The following BTG4 variants were observed in gnomAD, a reference collection of about 807,000 sequenced individuals.
The protein encoded by BTG4 is BTG anti-proliferation factor 4, also known as protein BTG4.
BTG4 carries 10 observed loss-of-function variants against 19.3 expected under a neutral mutation model. The observed-to-expected ratio is 0.52, with a 90% CI of 0.32 to 0.88. The LOEUF is 0.88. Among genes scored for constraint, BTG4 ranks in the 40% least tolerant of loss-of-function variants. The pLI is 0.04. For missense variants in BTG4, 238 were observed against 281.9 expected (o/e 0.84, Z 1.11); for synonymous variants, 91 against 95.7 (o/e 0.95, Z 0.29).
chr11:111,436,749 C>G, the BTG4 span, among the ~76,000 whole-genome samples: 1 of 152,204 alleles, frequency 6.6e-6, no homozygotes, highest in East Asian at 1.9e-4. Flanking sequence ...CTAGCCCAGC[C>G]CCTCCCCCGG....
the BTG4 span, among the ~76,000 whole-genome samples, chr11:111,428,309 C>CTCCATCATCA: frequency 0.058 from 8,868 of 152,214 alleles, 345 homozygotes; most frequent in Middle Eastern, 0.15. Flanking sequence ...CTACACCCTT[C>CTCCATCATCA]TCTATGATGA....
At chr11:111,432,904 C>A in the BTG4 span, among the ~76,000 whole-genome samples, 2 of 151,856 alleles carry the variant, frequency 1.3e-5, no homozygotes, top group South Asian at 4.2e-4. Context: ...GTTGCCCAGG[C>A]TGGTCTCAAA....
chr11:111,449,000 C>T, the BTG4 span, among the ~76,000 whole-genome samples: 1 of 152,148 alleles, frequency 6.6e-6, no homozygotes, highest in South Asian at 2.1e-4. Flanking sequence ...CTTTTTGCCA[C>T]GATCACTTCC....
intron 1 of BTG4, among the ~76,000 whole-genome samples, chr11:111,503,606 G>A (rs1338628642): frequency 6.6e-6 from 1 of 152,138 alleles, no homozygotes. Context: ...GATTATGTCT[G>A]GGCGAAGAAC....
At chr11:111,405,697 C>T in the BTG4 span, among the ~76,000 whole-genome samples, 986 of 152,228 alleles carry the variant, frequency 6.5e-3, 10 homozygotes, top group African/African-American at 0.022. Flanking sequence ...TGCTCACATT[C>T]TTCATAAAGA....
the BTG4 span, among the ~76,000 whole-genome samples, chr11:111,419,542 G>A: frequency 6.6e-6 from 1 of 152,238 alleles, no homozygotes; most frequent in African/African-American, 2.4e-5. Flanking sequence ...GTCTCCCTTG[G>A]GACTAGGGTG....
the BTG4 span, among the ~76,000 whole-genome samples, chr11:111,413,464 T>C: frequency 6.6e-6 from 1 of 152,272 alleles, no homozygotes; most frequent in Non-Finnish European, 1.5e-5. Context: ...CACCCAGTGC[T>C]GTGATAGGTG....
chr11:111,465,201 G>A (rs1863649903), downstream of BTG4, among the ~76,000 whole-genome samples: 1 of 152,150 alleles, frequency 6.6e-6, no homozygotes, highest in Non-Finnish European at 1.5e-5. Flanking sequence ...TGGAAGAGAA[G>A]TAACAGAAAA....
At chr11:111,478,509 C>T (rs1017464447) in intron 5 of BTG4, among the ~76,000 whole-genome samples, 7 of 151,890 alleles carry the variant, frequency 4.6e-5, no homozygotes, top group African/African-American at 1.7e-4. Flanking sequence ...AGGAGAAAAC[C>T]TAATCAACAG....
the BTG4 span, among the ~76,000 whole-genome samples, chr11:111,402,964 C>G: frequency 6.6e-6 from 1 of 152,100 alleles, no homozygotes; most frequent in Non-Finnish European, 1.5e-5. Flanking sequence ...GAACTGATCA[C>G]CGCTTTGCAG....
the BTG4 span, chr11:111,450,467 A>C: frequency 6.6e-6 from 1 of 152,660 alleles, no homozygotes; most frequent in Non-Finnish European, 1.5e-5. Context: ...GGACAGATGG[A>C]GGCCACAGGG....
At chr11:111,465,759 T>C (rs1787309812), downstream of BTG4, among the ~76,000 whole-genome samples, 1 of 152,204 alleles carries the variant, frequency 6.6e-6, no homozygotes, top group African/African-American at 2.4e-5. Flanking sequence ...CTTGCTTTTC[T>C]GGACCAGAGA....
the BTG4 span, chr11:111,415,871 T>C: frequency 2.6e-5 from 4 of 151,974 alleles, no homozygotes; most frequent in African/African-American, 9.7e-5. Context: ...CAAGACTGTC[T>C]CTACTAAAAA....
At chr11:111,491,977 G>A (rs1473706474), downstream of BTG4, among the ~76,000 whole-genome samples, 3 of 152,084 alleles carry the variant, frequency 2.0e-5, no homozygotes, top group Non-Finnish European at 4.4e-5. Flanking sequence ...AGCCTCCTGA[G>A]AGGCTCTAAA....
chr11:111,454,219 C>T, the BTG4 span: 94 of 441,820 alleles, frequency 2.1e-4, no homozygotes, highest in Non-Finnish European at 3.8e-4. Context: ...AATCCTTCTT[C>T]CCTCCGACCC....
chr11:111,384,419 A>G, the BTG4 span, among the ~76,000 whole-genome samples: 1 of 152,218 alleles, frequency 6.6e-6, no homozygotes, highest in Non-Finnish European at 1.5e-5. Context: ...AAAACAACTA[A>G]TACAAACAGG....
At chr11:111,407,005 T>C in the BTG4 span, among the ~76,000 whole-genome samples, 2 of 152,140 alleles carry the variant, frequency 1.3e-5, no homozygotes, top group African/African-American at 2.4e-5. Context: ...TCTAGAAAAT[T>C]TGGATAACAA....
At chr11:111,467,385 T>C (rs759029986), downstream of BTG4, 10 of 336,448 alleles carry the variant, frequency 3.0e-5, no homozygotes, top group Non-Finnish European at 4.8e-5. Context: ...ATATTAAATA[T>C]GCAGTTACTC....
chr11:111,406,980 T>C, the BTG4 span, among the ~76,000 whole-genome samples: 1 of 152,226 alleles, frequency 6.6e-6, no homozygotes, highest in Non-Finnish European at 1.5e-5. Flanking sequence ...ACTTTCTCTG[T>C]GCCTTAGTTG....
Sources: gnomAD v4.1 joint callset for allele counts (sites outside exome capture counted in the v4.1 genomes callset) on GRCh38, gnomAD v4.1.1 for gene constraint, MANE v1.5 for transcripts, NCBI Gene and HGNC (gene_info 2026-07-23, HGNC 2026-07-21) for gene names.